Variants in WDR62 observed in about 807,000 individuals in gnomAD.
The protein encoded by WDR62 is WD repeat domain 62.
A neutral mutation model predicts 160.6 loss-of-function variants in WDR62; 112 were observed. The observed-to-expected ratio is 0.70, with a 90% CI of 0.60 to 0.82. The LOEUF (loss-of-function observed/expected upper bound fraction) is 0.82, where lower values mean the gene tolerates loss of function less well. Ranked by LOEUF, WDR62 falls within the 40% of genes least tolerant of loss-of-function variation. WDR62 has a pLI of 0.00. For synonymous variants in WDR62, 792 were observed against 815.1 expected, an observed-to-expected ratio of 0.97 and a Z score of 0.48; for missense variants, 1,819 against 1,983.8, an observed-to-expected ratio of 0.92 and a Z score of 1.58.
chr19:36,090,437 T>C lies in WDR62; in HGVS notation c.1959-8T>C. 1 of 1,614,000 alleles carries C rather than the reference T, an allele frequency of 6.2e-7. No individual in the cohort carries two copies. Among genetic ancestry groups the C allele is most frequent in the Non-Finnish European group, 8.5e-7 (1 of 1,179,914 alleles). On this transcript the variant is annotated splice_region_variant and splice_polypyrimidine_tract_variant and intron_variant, in intron 15 of 31. Coordinates refer to ENST00000401500, the MANE Select transcript of WDR62 (RefSeq NM_001083961.2). ...CCTGTTGGCCGCAACATGCCCCTACTTCCCCAGAGTCTACAACACTGTGAA... is the reference window on the plus strand; with the variant it reads ...CCTGTTGGCCGCAACATGCCCCTACCTCCCCAGAGTCTACAACACTGTGAA...
chr19:36,104,635 TG>T lies in WDR62; in HGVS notation c.4272del (p.Gln1425ArgfsTer112), dbSNP rs1190033342. On this transcript the variant is annotated frameshift_variant, in exon 31 of 32. Coordinates refer to ENST00000401500, the MANE Select transcript of WDR62 (RefSeq NM_001083961.2). LOFTEE classifies it low-confidence loss of function (END_TRUNC). ...LSRVGNILHRLQTTFQEALDL... is the reference protein window; with the variant it reads ...LSRVGNILHRXQTTFQEALDL... ...AGGGTGGGGAACATCTTGCACAGGC[TG>T]CAGACCACCTTCCAAGAAGCCCTCG... 1.6e-5 allele frequency: 26 copies of T among 1,613,964 alleles called. No homozygotes were observed. Among genetic ancestry groups the T allele is most frequent in the Non-Finnish European group, 2.0e-5 (24 of 1,180,016 alleles).
chr19:36,078,642 C>T (rs1457352987), intron 9 of WDR62, among the ~76,000 whole-genome samples: 3 of 151,764 alleles, frequency 2.0e-5, no homozygotes, highest in South Asian at 2.1e-4. Flanking sequence ...TGAGACCAGC[C>T]TGGCCAACAT....
chr19:36,100,525 C>T (rs750593654), intron 22 of WDR62, among the ~76,000 whole-genome samples: 3 of 152,184 alleles, frequency 2.0e-5, no homozygotes, highest in East Asian at 3.8e-4. Context: ...TAAATAGACA[C>T]GTAGAGGGTT....
At chr19:36,089,425 G>T in intron 15 of WDR62, 119 bp downstream of exon 15, 1 of 1,540,564 alleles carries the variant, frequency 6.5e-7, no homozygotes, top group Non-Finnish European at 8.9e-7. Context: ...GACCCAGCAG[G>T]TGTTCCTTCT....
chr19:36,055,095 C>T lies in WDR62; in HGVS notation c.124C>T (p.Leu42=), dbSNP rs754167846. ...SSPPPAPPIC[L]RRRTRLSTAS... ...CCCGCCCCCCGCCCCACCAATCTGC[C>T]TACGGCGGCGGACGCGACTCTCGAC... The change falls in exon 1 of 32, where the codon CTA becomes TTA. Residue 42 remains leucine (L), a synonymous_variant. Transcript: ENST00000401500. The T allele has an allele frequency of 2.5e-6, 4 of 1,605,922 alleles. No individual in the cohort carries two copies. In the South Asian group the frequency reaches 3.3e-5, roughly 13 times the overall value.
chr19:36,094,726 C>CA (rs1204358148), intron 20 of WDR62, among the ~76,000 whole-genome samples: 12 of 148,104 alleles, frequency 8.1e-5, no homozygotes, highest in African/African-American at 1.5e-4. Context: ...CCCATCTATG[C>CA]AAAAAAAAAA....
rs756795208 is a variant in WDR62, at chr19:36,104,670, C to T, written c.4306C>T (p.Arg1436Cys). Reference sequence around the variant, plus strand: ...CTTCCAAGAAGCCCTCGACCTTTACCGTGTGGTGAGCTAAGCCCCAGAGTT... The same window carrying T: ...CTTCCAAGAAGCCCTCGACCTTTACTGTGTGGTGAGCTAAGCCCCAGAGTT... ...TTFQEALDLY[R>C]VLVSSGQVDT... The change falls in exon 31 of 32, where the codon CGT (arginine) becomes TGT (cysteine). Residue 1436 changes from arginine (R) to cysteine (C), a missense_variant. By Grantham distance (180) the Arg-to-Cys change is radical. Transcript: ENST00000401500. The T allele has an allele frequency of 2.9e-5, 46 of 1,613,970 alleles. No individual in the cohort carries two copies. Among genetic ancestry groups the T allele is most frequent in the Non-Finnish European group, 3.4e-5 (40 of 1,180,036 alleles).
chr19:36,091,161 C>A, intron 16 of WDR62, 39 bp from the exon 17 acceptor site: 1 of 1,566,112 alleles, frequency 6.4e-7, no homozygotes, highest in Non-Finnish European at 8.8e-7. Flanking sequence ...AAGGAAGAAG[C>A]AGGCAGCTGG....
Position 36,103,421 on chromosome 19 carries a change from C to T in WDR62, c.3593C>T (p.Thr1198Ile). Residue 1198 changes from threonine (T) to isoleucine (I), a missense_variant, in exon 30 of 32, where the codon ACA (threonine) becomes ATA (isoleucine). Physicochemically the swap from Thr to Ile is moderately conservative, Grantham distance 89. Coordinates refer to ENST00000401500, the MANE Select transcript of WDR62 (RefSeq NM_001083961.2). ...LPTDRNLPTPTSAPTPGLAQG... is the reference protein window; with the variant it reads ...LPTDRNLPTPISAPTPGLAQG... ...ACAGACAGGAATCTCCCAACGCCCA[C>T]ATCTGCACCCACCCCAGGCCTGGCT... 6.2e-7 allele frequency: 1 copy of T among 1,614,138 alleles called. No individual in the cohort carries two copies. The highest frequency in any genetic ancestry group is 2.2e-5 in the East Asian group (1 of 44,882).
At chr19:36,073,732 A>G (rs1971427876) in intron 9 of WDR62, 1 of 664,710 alleles carries the variant, frequency 1.5e-6, no homozygotes, top group East Asian at 2.9e-5. Flanking sequence ...AAACCTGGAA[A>G]CATCATCAGT....
intron 5 of WDR62, 26 bp from the exon 6 acceptor site, chr19:36,067,280 G>C: frequency 6.2e-7 from 1 of 1,613,972 alleles, no homozygotes; most frequent in Non-Finnish European, 8.5e-7. Flanking sequence ...GTGCTGGCAT[G>C]AGCTTCTCTG....
intron 3 of WDR62, chr19:36,061,293 A>G (rs1438520836): frequency 6.6e-6 from 1 of 152,216 alleles, no homozygotes; most frequent in African/African-American, 2.4e-5. Context: ...TTCACTGTGG[A>G]ATCTCAGGTG....
intron 13 of WDR62, among the ~76,000 whole-genome samples, chr19:36,088,262 C>T (rs919515415): frequency 6.6e-5 from 10 of 151,916 alleles, no homozygotes; most frequent in South Asian, 2.1e-4. Context: ...GGGCATCTCA[C>T]GCCATTGCAC....
chr19:36,074,807 T>C lies in WDR62; in HGVS notation c.1233+1276T>C, dbSNP rs140574987. Among the ~76,000 whole-genome samples, 183 of 152,270 alleles carry C rather than the reference T, an allele frequency of 1.2e-3. 1 individual carries two copies. The highest frequency in any genetic ancestry group is 4.3e-3 in the African/African-American group (177 of 41,538). ...TGAAATTTTTAAAAATTTGGGATAA[T>C]AGGTGAAATATTACAGATAAGGCTA... On this transcript the variant is annotated intron_variant, in intron 9 of 31. Transcript: ENST00000401500.
chr19:36,081,679 G>A, intron 10 of WDR62, 109 bp downstream of exon 10: 1 of 1,492,426 alleles, frequency 6.7e-7, no homozygotes, highest in Non-Finnish European at 9.3e-7. Context: ...TAGGTTCCAT[G>A]AGGGCAAGAG....
In WDR62 at chr19:36,100,077, C is replaced by T. The variant is rs114585945; in HGVS notation, c.2739+460C>T. On this transcript the variant is annotated intron_variant, in intron 22 of 31. Coordinates refer to ENST00000401500, the MANE Select transcript of WDR62 (RefSeq NM_001083961.2). The stretch of plus-strand genomic sequence containing the variant: ...TTCAAGGCCAGCCTAGGCAACGTAG[C>T]AAGATCCCACCTCTACAAAAATATT... Among the ~76,000 whole-genome samples the T allele has an allele frequency of 9.9e-3, 1,504 of 152,288 alleles. 12 individuals carry two copies. Among genetic ancestry groups the T allele is most frequent in the South Asian group, 0.042 (202 of 4,828 alleles).
At chr19:36,104,421 C>A (rs1373913711) in intron 30 of WDR62, 97 bp from the exon 31 acceptor site, 25 of 1,503,786 alleles carry the variant, frequency 1.7e-5, no homozygotes, top group Non-Finnish European at 2.3e-5. Flanking sequence ...GAGAAGTGTT[C>A]CAGACAGAAG....
In WDR62 at chr19:36,103,758, G is replaced by T; in HGVS notation, c.3930G>T (p.Gln1310His). The change falls in exon 30 of 32, where the codon CAG becomes CAT. Residue 1310 changes from glutamine to histidine, a missense_variant. Coordinates refer to ENST00000401500, the MANE Select transcript of WDR62 (RefSeq NM_001083961.2). ...CAAGTGCCTGTGATGGGCTCCTGCAGCCCCCCGTGGATACCCAGCCTGGCG... is the reference window on the plus strand; with the variant it reads ...CAAGTGCCTGTGATGGGCTCCTGCATCCCCCCGTGGATACCCAGCCTGGCG... ...TLSSACDGLL[Q>H]PPVDTQPGVT... 6.2e-7 allele frequency: 1 copy of T among 1,610,776 alleles called. No individual in the cohort carries two copies.
At chr19:36,091,558 T>C in intron 18 of WDR62, 93 bp downstream of exon 18, 1 of 1,305,712 alleles carries the variant, frequency 7.7e-7, no homozygotes, top group Non-Finnish European at 1.1e-6. Flanking sequence ...AACTGCCCAG[T>C]TTGGATTGTG....
Sources: gnomAD v4.1 joint callset for allele counts (sites outside exome capture counted in the v4.1 genomes callset) on GRCh38, gnomAD v4.1.1 for gene constraint, MANE v1.5 for transcripts, NCBI Gene and HGNC (gene_info 2026-07-23, HGNC 2026-07-21) for gene names.